The following INPP5F variants were observed in gnomAD, a reference collection of about 807,000 sequenced individuals.
INPP5F encodes the protein phosphatidylinositide 4-phosphatase SAC2.
INPP5F carries 97 observed loss-of-function variants against 137.2 expected under a neutral mutation model. The observed-to-expected ratio is 0.71, with a 90% CI of 0.60 to 0.84. INPP5F has a LOEUF of 0.84. Among genes scored for constraint, INPP5F ranks in the 40% least tolerant of loss-of-function variants. The probability of loss-of-function intolerance (pLI) is 0.00; values close to 1 mark genes in which losing one functional copy is unlikely to be tolerated. For synonymous variants in INPP5F, 504 were observed against 476.9 expected (o/e 1.06, Z -0.74); for missense variants, 1,271 against 1,371.9 (o/e 0.93, Z 1.16).
At chr10:119,769,976 T>G (rs1224319218) in intron 2 of INPP5F, among the ~76,000 whole-genome samples, 1 of 152,170 alleles carries the variant, frequency 6.6e-6, no homozygotes, top group Non-Finnish European at 1.5e-5. Flanking sequence ...GAGAAAAATT[T>G]TTTTTTCTAA....
chr10:119,790,190 A>C (rs1432611765), intron 3 of INPP5F, among the ~76,000 whole-genome samples: 1 of 151,800 alleles, frequency 6.6e-6, no homozygotes, highest in Non-Finnish European at 1.5e-5. Flanking sequence ...GGAGCGGAGG[A>C]GGATGGGCCT....
At chr10:119,769,985 A>G (rs907380995) in intron 2 of INPP5F, among the ~76,000 whole-genome samples, 5 of 151,972 alleles carry the variant, frequency 3.3e-5, no homozygotes, top group Non-Finnish European at 5.9e-5. Flanking sequence ...TTTTTTTTCT[A>G]AAGTGGTATG....
intron 2 of INPP5F, among the ~76,000 whole-genome samples, chr10:119,759,433 A>G (rs1848944831): frequency 6.6e-6 from 1 of 152,052 alleles, no homozygotes; most frequent in African/African-American, 2.4e-5. Flanking sequence ...CTTGTAGCCC[A>G]GGCTGGAGTG....
chr10:119,791,835 A>G (rs1850156421), intron 4 of INPP5F, 34 bp from the exon 5 acceptor site: 1 of 1,513,806 alleles, frequency 6.6e-7, no homozygotes, highest in Non-Finnish European at 9.0e-7. Context: ...TTTACATTTA[A>G]TTTCTGTAGT....
chr10:119,742,664 A>G (rs1276731359), intron 1 of INPP5F, among the ~76,000 whole-genome samples: 1 of 152,208 alleles, frequency 6.6e-6, no homozygotes, highest in East Asian at 1.9e-4. Context: ...ATTGCACCAG[A>G]AAGAATCTGG....
intron 2 of INPP5F, among the ~76,000 whole-genome samples, chr10:119,761,835 A>G (rs1341009274): frequency 6.6e-6 from 1 of 152,214 alleles, no homozygotes; most frequent in Admixed American, 6.5e-5. Flanking sequence ...TGTAAATAAA[A>G]TTGGAGCATA....
At chr10:119,784,221 A>T (rs1849800974) in intron 3 of INPP5F, among the ~76,000 whole-genome samples, 1 of 152,242 alleles carries the variant, frequency 6.6e-6, no homozygotes, top group South Asian at 2.1e-4. Context: ...GTTATACAGT[A>T]AATTGTAAAA....
chr10:119,815,115 T>G (rs966959888), intron 15 of INPP5F: 1 of 152,514 alleles, frequency 6.6e-6, no homozygotes, highest in Non-Finnish European at 1.5e-5. Context: ...TCCACCCGCT[T>G]CGGCCTCCCA....
chr10:119,774,277 A>G (rs866333787), intron 2 of INPP5F, among the ~76,000 whole-genome samples: 1 of 151,188 alleles, frequency 6.6e-6, no homozygotes, highest in East Asian at 1.9e-4. Flanking sequence ...AAAAAAAAAA[A>G]AAAAAACTCC....
At chr10:119,793,418 A>ACAAAT (rs1241905791) in intron 6 of INPP5F, among the ~76,000 whole-genome samples, 2 of 152,118 alleles carry the variant, frequency 1.3e-5, no homozygotes, top group Non-Finnish European at 2.9e-5. Flanking sequence ...ACAAAACAAA[A>ACAAAT]CAAAACAAAA....
intron 19 of INPP5F, among the ~76,000 whole-genome samples, chr10:119,824,411 C>T (rs1042357252): frequency 6.6e-6 from 1 of 152,142 alleles, no homozygotes; most frequent in Non-Finnish European, 1.5e-5. Context: ...TGTAGAACAT[C>T]CCTCCATGTA....
Position 119,765,978 on chromosome 10 carries a change from C to T in INPP5F, c.178+14822C>T, listed in dbSNP as rs528260547. ...AGATAATTATTATAAGGGATTGGCT[C>T]ATGTGATTATGGAGGCTGCCATCTG... is the stretch of plus-strand genomic sequence containing the variant. On this transcript the variant is annotated intron_variant, in intron 2 of 19. Transcript: ENST00000650623. Among the ~76,000 whole-genome samples the T allele has an allele frequency of 5.9e-5, 9 of 151,770 alleles. No homozygotes were observed. In the South Asian group the frequency reaches 1.9e-3, roughly 32 times the overall value.
At chr10:119,776,421 A>G (rs1284620504) in intron 2 of INPP5F, among the ~76,000 whole-genome samples, 2 of 152,160 alleles carry the variant, frequency 1.3e-5, no homozygotes, top group African/African-American at 4.8e-5. Flanking sequence ...TTTGTGGGAA[A>G]AAAGATGCCT....
chr10:119,744,134 A>G (rs1268990973), intron 1 of INPP5F, among the ~76,000 whole-genome samples: 1 of 152,214 alleles, frequency 6.6e-6, no homozygotes, highest in East Asian at 1.9e-4. Context: ...TTTTAGTGCT[A>G]TTAATGCTGA....
Position 119,827,643 on chromosome 10 carries a change from G to A in INPP5F, c.3262G>A (p.Gly1088Arg), listed in dbSNP as rs1851825506. Residue 1088 changes from glycine (G) to arginine (R), a missense_variant, in exon 20 of 20, where the codon GGA becomes AGA. This residue lies in a region of INPP5F where 490 missense variants were observed against 443.7 expected (regional missense o/e 1.10). Transcript: ENST00000650623. ...MVQVASITQA[G>R]LTHGINFAVS... is the part of the protein sequence containing the mutation. ...CCAGGTTGCTAGTATTACCCAAGCTGGATTAACCCATGGGATAAACTTTGC... is the reference window on the plus strand; with the variant it reads ...CCAGGTTGCTAGTATTACCCAAGCTAGATTAACCCATGGGATAAACTTTGC... The A allele has an allele frequency of 6.2e-7, 1 of 1,614,088 alleles. No homozygotes were observed. Among genetic ancestry groups the A allele is most frequent in the Non-Finnish European group, 8.5e-7 (1 of 1,180,004 alleles).
At chr10:119,795,184 C>T (rs1425545748) in intron 6 of INPP5F, among the ~76,000 whole-genome samples, 7 of 149,758 alleles carry the variant, frequency 4.7e-5, no homozygotes, top group African/African-American at 1.7e-4. Context: ...AGGGGCTCCT[C>T]ACTTCCCAGA....
At chr10:119,729,600 A>G (rs1431005802) in intron 1 of INPP5F, among the ~76,000 whole-genome samples, 1 of 148,384 alleles carries the variant, frequency 6.7e-6, no homozygotes, top group African/African-American at 2.5e-5. Flanking sequence ...TTTCTGAGAC[A>G]GGGTCTTGCT....
At chr10:119,750,575 AC>A (rs1228533422) in intron 1 of INPP5F, among the ~76,000 whole-genome samples, 2 of 152,252 alleles carry the variant, frequency 1.3e-5, no homozygotes, top group Non-Finnish European at 2.9e-5. Context: ...TCAAACGGAA[AC>A]AGTTCCTATT....
chr10:119,812,029 G>C, intron 15 of INPP5F, 74 bp downstream of exon 15: 1 of 1,194,814 alleles, frequency 8.4e-7, no homozygotes, highest in Non-Finnish European at 1.2e-6. Flanking sequence ...AACACTGGCA[G>C]TTGTCCCTAA....
Sources: allele counts gnomAD v4.1 joint callset (sites outside exome capture counted in the v4.1 genomes callset), GRCh38; gene constraint gnomAD v4.1.1; regional missense constraint gnomAD v4.1.1; transcripts MANE v1.5; gene names NCBI Gene and HGNC (gene_info 2026-07-23, HGNC 2026-07-21).